The following AGMO variants were observed in gnomAD, a reference collection of about 807,000 sequenced individuals.
AGMO encodes glyceryl-ether monooxygenase.
Under a neutral mutation model 60.2 loss-of-function variants are expected in AGMO, and 75 were observed. The ratio of observed to expected loss-of-function variants is 1.25; its 90% CI spans 1.03 to 1.51. The LOEUF (loss-of-function observed/expected upper bound fraction) is 1.51. Among genes scored for constraint, AGMO ranks in the 40% most tolerant of loss-of-function variants. AGMO has a pLI of 0.00. For missense variants in AGMO, 763 were observed against 525.5 expected, an observed-to-expected ratio of 1.45 and a Z score of -4.42; for synonymous variants, 261 against 177.1, an observed-to-expected ratio of 1.47 and a Z score of -3.76.
chr7:15,355,346 CA>C (rs935044456), intron 12 of AGMO, among the ~76,000 whole-genome samples: 1 of 151,118 alleles, frequency 6.6e-6, no homozygotes, highest in African/African-American at 2.4e-5. Context: ...ACTAAAAATA[CA>C]AAAAAATTAG....
At chr7:15,414,787 T>C (rs953214522) in intron 5 of AGMO, among the ~76,000 whole-genome samples, 1 of 152,104 alleles carries the variant, frequency 6.6e-6, no homozygotes, top group Non-Finnish European at 1.5e-5. Context: ...GGAACTGACA[T>C]AAAGGGAAAC....
At chr7:15,327,287 G>A (rs867833398) in intron 12 of AGMO, among the ~76,000 whole-genome samples, 1 of 152,138 alleles carries the variant, frequency 6.6e-6, no homozygotes, top group Non-Finnish European at 1.5e-5. Context: ...AATAGAAAAT[G>A]CTTGGGGCTA....
At chr7:15,265,453 G>T (rs528596266) in intron 12 of AGMO, among the ~76,000 whole-genome samples, 2 of 151,386 alleles carry the variant, frequency 1.3e-5, no homozygotes, top group Admixed American at 1.3e-4. Flanking sequence ...TATTAAAAAA[G>T]AAAAAAGAAC....
At chr7:15,184,768 G>T in the AGMO span, among the ~76,000 whole-genome samples, 10 of 144,958 alleles carry the variant, frequency 6.9e-5, no homozygotes, top group Middle Eastern at 3.8e-3. Flanking sequence ...GGAAGGAAAA[G>T]AATGGAGGGA....
At chr7:15,272,690 T>C (rs919233649) in intron 12 of AGMO, among the ~76,000 whole-genome samples, 11 of 152,190 alleles carry the variant, frequency 7.2e-5, no homozygotes, top group African/African-American at 2.7e-4. Flanking sequence ...TTCTAGATTC[T>C]TGAGGAATCG....
At chr7:15,342,441 T>C (rs558723065) in intron 12 of AGMO, among the ~76,000 whole-genome samples, 24 of 152,188 alleles carry the variant, frequency 1.6e-4, no homozygotes, top group African/African-American at 5.8e-4. Context: ...AATCCGGTGC[T>C]AATGACTTCA....
chr7:15,532,646 T>G lies in AGMO; in HGVS notation c.409+12126A>C, dbSNP rs116952060. Among the ~76,000 whole-genome samples the G allele has an allele frequency of 5.6e-3, 849 of 152,264 alleles. 7 individuals carry two copies. The highest frequency in any genetic ancestry group is 1.0e-2 in the Non-Finnish European group (677 of 68,014). ...TTCCAGTGAAGAAGATTCAAAATCT[T>G]GAGTTCTTTAGGATTTGAAAAATAG... is the stretch of plus-strand genomic sequence containing the variant. On this transcript the variant is annotated intron_variant, in intron 3 of 12. Coordinates refer to ENST00000342526, the MANE Select transcript of AGMO (RefSeq NM_001004320.2).
chr7:15,215,792 G>C (rs756080953), intron 12 of AGMO, among the ~76,000 whole-genome samples: 2 of 152,012 alleles, frequency 1.3e-5, no homozygotes, highest in Non-Finnish European at 2.9e-5. Flanking sequence ...TAGGAATTTG[G>C]AACTCAGAAT....
At chr7:15,208,498 A>C (rs956267149) in intron 12 of AGMO, among the ~76,000 whole-genome samples, 1 of 152,204 alleles carries the variant, frequency 6.6e-6, no homozygotes, top group Non-Finnish European at 1.5e-5. Flanking sequence ...GGTCTGTTTT[A>C]GTTTTTATAA....
intron 12 of AGMO, among the ~76,000 whole-genome samples, chr7:15,338,159 A>T (rs947686330): frequency 6.6e-6 from 1 of 152,306 alleles, no homozygotes; most frequent in East Asian, 1.9e-4. Flanking sequence ...TTATAATTAA[A>T]TTTTTTAAGT....
intron 5 of AGMO, chr7:15,396,315 G>A (rs1357669294): frequency 6.6e-6 from 1 of 152,288 alleles, no homozygotes; most frequent in South Asian, 2.1e-4. Flanking sequence ...TCTTCCTCCA[G>A]GTGTGTTCCT....
chr7:15,325,318 AAAT>A lies in AGMO; in HGVS notation c.1263+40193_1263+40195del, dbSNP rs375321500. ...CAAATATGTACTTTCACACATATCT[AAAT>A]AATTATATATTAGCATTTCTACATT... On this transcript the variant is annotated intron_variant, in intron 12 of 12. Coordinates refer to ENST00000342526, the MANE Select transcript of AGMO (RefSeq NM_001004320.2). Among the ~76,000 whole-genome samples the A allele has an allele frequency of 5.9e-5, 9 of 152,278 alleles. No individual in the cohort carries two copies. The East Asian group carries it at 1.5e-3, about 26-fold the overall frequency.
At chr7:15,307,507 A>C (rs764603989) in intron 12 of AGMO, among the ~76,000 whole-genome samples, 2 of 152,060 alleles carry the variant, frequency 1.3e-5, no homozygotes, top group Non-Finnish European at 2.9e-5. Flanking sequence ...TTCTGAAATA[A>C]ATCAGTAAAG....
intron 3 of AGMO, among the ~76,000 whole-genome samples, chr7:15,540,568 A>C (rs1377657772): frequency 6.6e-6 from 1 of 152,212 alleles, no homozygotes; most frequent in African/African-American, 2.4e-5. Context: ...AAATGTCTAC[A>C]GCATGCAGCT....
intron 12 of AGMO, among the ~76,000 whole-genome samples, chr7:15,288,920 C>T (rs1040309346): frequency 1.3e-5 from 2 of 151,782 alleles, no homozygotes; most frequent in African/African-American, 4.8e-5. Flanking sequence ...AAACATCACA[C>T]CAGTTTCATC....
intron 2 of AGMO, among the ~76,000 whole-genome samples, chr7:15,554,009 C>T (rs912064058): frequency 6.6e-6 from 1 of 152,032 alleles, no homozygotes; most frequent in African/African-American, 2.4e-5. Flanking sequence ...TAATTTGATC[C>T]CCTTTTATTA....
chr7:15,267,785 A>C (rs1211862904), intron 12 of AGMO, among the ~76,000 whole-genome samples: 3 of 151,992 alleles, frequency 2.0e-5, no homozygotes, highest in Non-Finnish European at 2.9e-5. Context: ...AACAAAATGG[A>C]AAGTTAACAC....
chr7:15,526,306 G>A (rs1784127186), intron 3 of AGMO, among the ~76,000 whole-genome samples: 2 of 152,194 alleles, frequency 1.3e-5, no homozygotes, highest in Non-Finnish European at 2.9e-5. Flanking sequence ...GTTAAGTCTT[G>A]TCTGCAGGCC....
At chr7:15,137,941 C>T in the AGMO span, among the ~76,000 whole-genome samples, 73 of 152,196 alleles carry the variant, frequency 4.8e-4, no homozygotes, top group African/African-American at 1.6e-3. Flanking sequence ...TTGCTGAGAA[C>T]GGCAGTCTCC....
Sources: allele counts gnomAD v4.1 joint callset (sites outside exome capture counted in the v4.1 genomes callset), GRCh38; gene constraint gnomAD v4.1.1; transcripts MANE v1.5; gene names NCBI Gene and HGNC (gene_info 2026-07-23, HGNC 2026-07-21).